EIF4G3: variants seen among roughly 807,000 people sequenced by gnomAD.
EIF4G3 encodes the protein eIF-4-gamma 3.
In EIF4G3, 34 loss-of-function variants were observed where a neutral mutation model predicts 186.4. The observed-to-expected ratio is 0.18, with a 90% CI of 0.14 to 0.24. The LOEUF is 0.24. EIF4G3 is among the 10% of genes least tolerant of loss of function. EIF4G3 has a pLI of 1.00. For missense variants in EIF4G3, 1,536 were observed against 1,948.5 expected (o/e 0.79, Z 3.99); for synonymous variants, 673 against 679.5 (o/e 0.99, Z 0.15).
At chr1:20,823,699 T>TTG (rs2062946090) in intron 33 of EIF4G3, among the ~76,000 whole-genome samples, 1 of 152,178 alleles carries the variant, frequency 6.6e-6, no homozygotes, top group South Asian at 2.1e-4. Context: ...CAAATCTCTT[T>TTG]AACCATTTTG....
intron 2 of EIF4G3, among the ~76,000 whole-genome samples, chr1:21,106,722 C>A (rs1007768552): frequency 6.6e-6 from 1 of 150,740 alleles, no homozygotes; most frequent in African/African-American, 2.4e-5. Flanking sequence ...CATTTAATGC[C>A]AAAAAAAATT....
intron 2 of EIF4G3, among the ~76,000 whole-genome samples, chr1:21,157,490 C>A (rs558452494): frequency 8.6e-5 from 13 of 151,898 alleles, no homozygotes; most frequent in African/African-American, 2.7e-4. Context: ...TCCTGCTCAC[C>A]ACTACACCTG....
At chr1:20,942,374 A>C (rs1558353860) in intron 13 of EIF4G3, 44 bp from the exon 14 acceptor site, 1 of 1,522,952 alleles carries the variant, frequency 6.6e-7, no homozygotes, top group Non-Finnish European at 8.8e-7. Flanking sequence ...CTTGGATCAG[A>C]GACTACATAT....
chr1:20,822,112 G>A (rs1471445245), intron 33 of EIF4G3, among the ~76,000 whole-genome samples: 3 of 151,944 alleles, frequency 2.0e-5, no homozygotes, highest in Non-Finnish European at 4.4e-5. Context: ...TCCTGACCTC[G>A]TGATCCGCCC....
At chr1:21,157,020 T>A (rs1453145742) in intron 2 of EIF4G3, among the ~76,000 whole-genome samples, 1 of 152,118 alleles carries the variant, frequency 6.6e-6, no homozygotes, top group East Asian at 1.9e-4. Flanking sequence ...ATCGTACCAC[T>A]GCACTCCAGC....
rs375838066 is a variant in EIF4G3 at position 20,853,689 on chromosome 1, G to A, written c.3434-12C>T. On this transcript the variant is annotated splice_polypyrimidine_tract_variant and intron_variant, in intron 26 of 36. Coordinates refer to ENST00000602326, the MANE Select transcript of EIF4G3 (RefSeq NM_001391906.1). ...TGACCGTAAGGCATCTACACATGTC[G>A]AGGATTTAGAAAAAAATACAAATCA... The A allele has an allele frequency of 2.2e-5, 35 of 1,573,164 alleles. No homozygotes were observed. Among genetic ancestry groups the A allele is most frequent in the South Asian group, 7.8e-5 (7 of 89,992 alleles).
chr1:21,163,166 A>C (rs2097793686), intron 2 of EIF4G3, among the ~76,000 whole-genome samples: 1 of 152,212 alleles, frequency 6.6e-6, no homozygotes, highest in Admixed American at 6.5e-5. Flanking sequence ...TTTCTAATGA[A>C]GATCAAGAAT....
chr1:20,850,800 T>A (rs1417153332), intron 28 of EIF4G3, among the ~76,000 whole-genome samples: 1 of 152,196 alleles, frequency 6.6e-6, no homozygotes, highest in African/African-American at 2.4e-5. Flanking sequence ...CCTCTAAGTA[T>A]ATACATGCTA....
intron 2 of EIF4G3, among the ~76,000 whole-genome samples, chr1:21,172,118 C>A (rs1158937183): frequency 1.0e-3 from 108 of 105,408 alleles, no homozygotes; most frequent in South Asian, 1.6e-3. Flanking sequence ...CCTCCTCTAG[C>A]AAAAAAAAAA....
intron 2 of EIF4G3, among the ~76,000 whole-genome samples, chr1:21,157,172 C>T (rs929219203): frequency 1.3e-5 from 2 of 152,220 alleles, no homozygotes; most frequent in South Asian, 4.1e-4. Flanking sequence ...CTTCGGACTA[C>T]CCCATATACA....
At position 21,104,590 on chromosome 1, in the gene EIF4G3, G is replaced by A. The variant is rs555822004; in HGVS notation, c.-271-15377C>T. On this transcript the variant is annotated intron_variant, in intron 2 of 36. Coordinates refer to ENST00000602326, the MANE Select transcript of EIF4G3 (RefSeq NM_001391906.1). ...AAATAACAGAGGCTGACTATGTTGC[G>A]GAGCAAAGGGAATGCTTATATACTG... 6.6e-5 allele frequency among the ~76,000 whole-genome samples: 10 copies of A among 152,278 alleles called. No individual in the cohort carries two copies. In the South Asian group the frequency reaches 1.0e-3, roughly 16 times the overall value.
chr1:21,159,834 C>T (rs947092503), intron 2 of EIF4G3, among the ~76,000 whole-genome samples: 2 of 151,614 alleles, frequency 1.3e-5, no homozygotes, highest in East Asian at 3.9e-4. Flanking sequence ...ATGCCAGGTG[C>T]GGTGGCTTAC....
chr1:21,003,324 C>T (rs1207783544), intron 4 of EIF4G3, among the ~76,000 whole-genome samples: 2 of 151,904 alleles, frequency 1.3e-5, no homozygotes, highest in African/African-American at 2.4e-5. Context: ...GATATTTGCC[C>T]AAGCTGGTCT....
At chr1:21,044,700 T>C (rs1571592761) in intron 4 of EIF4G3, among the ~76,000 whole-genome samples, 2 of 147,082 alleles carry the variant, frequency 1.4e-5, no homozygotes, top group Admixed American at 6.9e-5. Flanking sequence ...CAGGCTGGAG[T>C]GTAATGGTGT....
chr1:20,984,251 C>T (rs1290250302), intron 7 of EIF4G3, among the ~76,000 whole-genome samples: 1 of 151,750 alleles, frequency 6.6e-6, no homozygotes, highest in Non-Finnish European at 1.5e-5. Context: ...CTGCAACCTC[C>T]ACTTCCTGGG....
intron 4 of EIF4G3, among the ~76,000 whole-genome samples, chr1:21,031,002 A>G (rs2154571855): frequency 6.6e-6 from 1 of 152,200 alleles, no homozygotes; most frequent in East Asian, 1.9e-4. Flanking sequence ...CCTGGCCAAC[A>G]TGGTGAAACT....
chr1:21,004,274 G>A (rs562651239), intron 4 of EIF4G3, among the ~76,000 whole-genome samples: 17 of 151,916 alleles, frequency 1.1e-4, no homozygotes, highest in African/African-American at 3.6e-4. Flanking sequence ...TAATACACAC[G>A]GCTCATTTAC....
chr1:21,110,613 T>C (rs1229472717), intron 2 of EIF4G3, among the ~76,000 whole-genome samples: 1 of 152,080 alleles, frequency 6.6e-6, no homozygotes, highest in Non-Finnish European at 1.5e-5. Flanking sequence ...GTATTTTTAG[T>C]AGAGATGGAG....
At chr1:20,867,765 A>C (rs2077923771) in intron 20 of EIF4G3, among the ~76,000 whole-genome samples, 1 of 152,242 alleles carries the variant, frequency 6.6e-6, no homozygotes, top group African/African-American at 2.4e-5. Context: ...GAAAATCACA[A>C]AATGCAAGAG....
Sources: allele counts gnomAD v4.1 joint callset (sites outside exome capture counted in the v4.1 genomes callset), GRCh38; gene constraint gnomAD v4.1.1; transcripts MANE v1.5; gene names NCBI Gene and HGNC (gene_info 2026-07-23, HGNC 2026-07-21).